Variants in CACNB2 observed in about 807,000 individuals in gnomAD.
The protein encoded by CACNB2 is voltage-dependent L-type calcium channel subunit beta-2.
Under a neutral mutation model 73.3 loss-of-function variants are expected in CACNB2, and 42 were observed. The observed-to-expected ratio is 0.57, with a 90% CI of 0.45 to 0.74. The LOEUF (loss-of-function observed/expected upper bound fraction) is 0.74, where lower values mean the gene tolerates loss of function less well. CACNB2 is among the 30% of genes least tolerant of loss of function. CACNB2 has a pLI of 0.00. For synonymous variants in CACNB2, 348 were observed against 310.3 expected (o/e 1.12, Z -1.28); for missense variants, 940 against 853.0 (o/e 1.10, Z -1.27).
chr10:18,229,343 T>G (rs2036137884), intron 2 of CACNB2, among the ~76,000 whole-genome samples: 1 of 152,200 alleles, frequency 6.6e-6, no homozygotes, highest in Non-Finnish European at 1.5e-5. Context: ...AGTTCAAAAC[T>G]TTAGTTGTAT....
intron 2 of CACNB2, among the ~76,000 whole-genome samples, chr10:18,295,983 CTA>C (rs1047621331): frequency 7.1e-6 from 1 of 140,762 alleles, no homozygotes; most frequent in African/African-American, 2.6e-5. Context: ...TCAAAAATCA[CTA>C]TTCTTTTTGC....
At chr10:18,190,663 A>G (rs1588661219) in intron 2 of CACNB2, among the ~76,000 whole-genome samples, 1 of 152,194 alleles carries the variant, frequency 6.6e-6, no homozygotes, top group African/African-American at 2.4e-5. Flanking sequence ...TTTGGGATGC[A>G]TATATTGATT....
chr10:18,501,477 A>G (rs2050189430), intron 5 of CACNB2, among the ~76,000 whole-genome samples: 1 of 152,252 alleles, frequency 6.6e-6, no homozygotes, highest in Admixed American at 6.5e-5. Flanking sequence ...GCCTGTGCAG[A>G]TGGCAATTAG....
intron 2 of CACNB2, among the ~76,000 whole-genome samples, chr10:18,182,711 A>G (rs1042990235): frequency 4.0e-5 from 6 of 151,340 alleles, no homozygotes; most frequent in African/African-American, 1.2e-4. Flanking sequence ...AATCCCTGCT[A>G]CTCGGGAGGC....
chr10:18,319,800 T>C (rs1215230799), intron 2 of CACNB2, among the ~76,000 whole-genome samples: 2 of 152,094 alleles, frequency 1.3e-5, no homozygotes, highest in Non-Finnish European at 2.9e-5. Flanking sequence ...ACCTTTGAGC[T>C]GAGACCTGTA....
intron 2 of CACNB2, chr10:18,234,214 T>G (rs2036338572): frequency 6.6e-6 from 1 of 152,276 alleles, no homozygotes. Context: ...CTGATGTGCT[T>G]TGTGCTGAAT....
At chr10:18,467,327 C>T (rs939414740) in intron 3 of CACNB2, among the ~76,000 whole-genome samples, 2 of 152,172 alleles carry the variant, frequency 1.3e-5, no homozygotes, top group African/African-American at 4.8e-5. Flanking sequence ...TGTTCAAATT[C>T]AGTATTGGCA....
intron 2 of CACNB2, among the ~76,000 whole-genome samples, chr10:18,314,853 C>G (rs2040099637): frequency 6.6e-6 from 1 of 152,098 alleles, no homozygotes; most frequent in African/African-American, 2.4e-5. Flanking sequence ...AAAATCTGCA[C>G]CAAAAGATTA....
intron 2 of CACNB2, among the ~76,000 whole-genome samples, chr10:18,358,289 T>C (rs2042002435): frequency 6.6e-6 from 1 of 152,194 alleles, no homozygotes; most frequent in Non-Finnish European, 1.5e-5. Context: ...GTTTTCACCA[T>C]GTTGGCCAGG....
intron 1 of CACNB2, among the ~76,000 whole-genome samples, chr10:18,144,848 A>G (rs970992208): frequency 6.6e-6 from 1 of 152,196 alleles, no homozygotes; most frequent in Non-Finnish European, 1.5e-5. Flanking sequence ...TTTCAGTGAT[A>G]TATTTGGCCA....
intron 2 of CACNB2, among the ~76,000 whole-genome samples, chr10:18,180,730 G>T (rs755681623): frequency 1.3e-5 from 2 of 152,044 alleles, no homozygotes; most frequent in Non-Finnish European, 2.9e-5. Context: ...ACTTTGGGAG[G>T]CACGGGCCGG....
chr10:18,261,071 G>C, intron 2 of CACNB2: 1 of 1,326,308 alleles, frequency 7.5e-7, no homozygotes, highest in Non-Finnish European at 9.7e-7. Context: ...AAGACAAACA[G>C]GGGAGAACAA....
intron 2 of CACNB2, among the ~76,000 whole-genome samples, chr10:18,363,886 T>A (rs901039166): frequency 1.3e-5 from 2 of 151,952 alleles, no homozygotes; most frequent in Non-Finnish European, 2.9e-5. Context: ...GCTTTAAAAA[T>A]GTTAATACTG....
rs375832594 is a variant in CACNB2, at chr10:18,514,299, C to T, written c.734C>T (p.Ser245Phe). 4.3e-6 allele frequency: 7 copies of T among 1,613,970 alleles called. No individual in the cohort carries two copies. The highest frequency in any genetic ancestry group is 5.9e-6 in the Non-Finnish European group (7 of 1,179,994). Residue 245 changes from serine (S) to phenylalanine (F), a missense_variant, in exon 7 of 14, where the codon TCC becomes TTC. Ser to Phe is a radical substitution (Grantham distance 155). Coordinates refer to ENST00000324631, the MANE Select transcript of CACNB2 (RefSeq NM_201596.3). ...EENDIPANHRSPKPSANSVTS... is the reference protein window; with the variant it reads ...EENDIPANHRFPKPSANSVTS... ...AATGATATTCCAGCAAACCACCGCT[C>T]CCCTAAACCCAGTGCAAACAGTGTA...
At chr10:18,502,698 A>C (rs2050267347) in intron 5 of CACNB2, among the ~76,000 whole-genome samples, 1 of 102,482 alleles carries the variant, frequency 9.8e-6, no homozygotes, top group South Asian at 2.5e-4. Context: ...TCAAAAAAAA[A>C]AAAAAAAAAA....
At chr10:18,260,940 C>G (rs2037508252) in intron 2 of CACNB2, 1 of 1,220,890 alleles carries the variant, frequency 8.2e-7, no homozygotes, top group Admixed American at 3.6e-5. Flanking sequence ...ACGATCTGGA[C>G]AGTCCTAACT....
chr10:18,447,248 T>C (rs2046780824), intron 3 of CACNB2, among the ~76,000 whole-genome samples: 1 of 152,168 alleles, frequency 6.6e-6, no homozygotes. Context: ...TATCTTGTTG[T>C]TAAAATGTGT....
intron 2 of CACNB2, among the ~76,000 whole-genome samples, chr10:18,266,516 GT>G (rs59495303): frequency 0.18 from 25,904 of 147,608 alleles, 2,569 homozygotes; most frequent in African/African-American, 0.28. Context: ...AGGTAGTATA[GT>G]TTTTTTTTTT....
At chr10:18,409,917 A>G (rs530672819) in intron 3 of CACNB2, among the ~76,000 whole-genome samples, 10 of 152,248 alleles carry the variant, frequency 6.6e-5, no homozygotes, top group Admixed American at 2.6e-4. Context: ...CTTTACTCTC[A>G]GCTATCCTTC....
Sources: gnomAD v4.1 joint callset for allele counts (sites outside exome capture counted in the v4.1 genomes callset) on GRCh38, gnomAD v4.1.1 for gene constraint, MANE v1.5 for transcripts, NCBI Gene and HGNC (gene_info 2026-07-23, HGNC 2026-07-21) for gene names.